The following ACACA variants were observed in gnomAD, a reference collection of about 807,000 sequenced individuals.
ACACA encodes the protein acetyl-CoA carboxylase 1.
ACACA carries 103 observed loss-of-function variants against 296.1 expected under a neutral mutation model. The ratio of observed to expected loss-of-function variants is 0.35; its 90% CI spans 0.30 to 0.41. The LOEUF (loss-of-function observed/expected upper bound fraction) is 0.41. Among genes scored for constraint, ACACA ranks in the 10% least tolerant of loss-of-function variants. The pLI, the probability that ACACA is intolerant of heterozygous loss-of-function variation, is 1.00. For missense variants in ACACA, 1,554 were observed against 2,989.7 expected (o/e 0.52, Z 11.20); for synonymous variants, 953 against 1,038.6 (o/e 0.92, Z 1.58).
intron 3 of ACACA, among the ~76,000 whole-genome samples, chr17:37,307,445 A>T (rs922610957): frequency 1.3e-5 from 2 of 152,124 alleles, no homozygotes; most frequent in African/African-American, 4.8e-5. Flanking sequence ...AACTCATTGT[A>T]ATTTTAATTT....
intron 45 of ACACA, among the ~76,000 whole-genome samples, chr17:37,141,695 G>T (rs1045557445): frequency 2.0e-4 from 29 of 148,424 alleles, no homozygotes; most frequent in Non-Finnish European, 3.3e-4. Flanking sequence ...AAAGTTTTTT[G>T]TTTTTTTTTT....
intron 22 of ACACA, 33 bp from the exon 23 acceptor site, chr17:37,242,086 C>A: frequency 6.4e-7 from 1 of 1,554,292 alleles, no homozygotes; most frequent in Admixed American, 1.7e-5. Context: ...AAATGAGGCC[C>A]AACCCAACAA....
intron 33 of ACACA, among the ~76,000 whole-genome samples, chr17:37,202,722 CAT>C (rs2078320545): frequency 2.7e-5 from 2 of 74,338 alleles, no homozygotes; most frequent in Non-Finnish European, 5.7e-5. Flanking sequence ...TACACACACA[CAT>C]ATATTTTAAC....
intron 1 of ACACA, among the ~76,000 whole-genome samples, chr17:37,382,449 CTT>C (rs1334538799): frequency 4.0e-5 from 6 of 151,518 alleles, no homozygotes; most frequent in South Asian, 2.1e-4. Context: ...TAAAATAAAA[CTT>C]GACATTTTTA....
chr17:37,394,821 G>A (rs574827751), intron 1 of ACACA, among the ~76,000 whole-genome samples: 5 of 150,888 alleles, frequency 3.3e-5, no homozygotes, highest in East Asian at 2.0e-4. Flanking sequence ...CCCGGGAGGC[G>A]GAGCTTGCAG....
chr17:37,185,193 G>A lies in ACACA; in HGVS notation c.4776+3084C>T, dbSNP rs78668229. ...ATGAATTGAACTGCACACACAAAAC[G>A]AGTCCATTTTATTATAAGTAAATTG... On this transcript the variant is annotated intron_variant, in intron 39 of 55. Coordinates refer to ENST00000616317, the MANE Select transcript of ACACA (RefSeq NM_198834.3). Among the ~76,000 whole-genome samples the A allele has an allele frequency of 1.0e-3, 159 of 152,164 alleles. 4 individuals are homozygous for A. The East Asian group carries it at 0.022, about 21-fold the overall frequency.
chr17:37,370,935 G>T (rs2049781372), intron 1 of ACACA, among the ~76,000 whole-genome samples: 1 of 149,652 alleles, frequency 6.7e-6, no homozygotes, highest in East Asian at 2.0e-4. Context: ...AGTGAACTGA[G>T]ATTATGCCAC....
intron 1 of ACACA, among the ~76,000 whole-genome samples, chr17:37,344,076 A>G (rs71382465): frequency 3.3e-5 from 5 of 151,598 alleles, no homozygotes; most frequent in Admixed American, 2.0e-4. Flanking sequence ...AAAAATATAA[A>G]CAAAAAAATA....
chr17:37,279,142 G>A (rs765346836), intron 5 of ACACA, among the ~76,000 whole-genome samples: 2 of 152,044 alleles, frequency 1.3e-5, no homozygotes, highest in Non-Finnish European at 2.9e-5. Context: ...TCTCATGCCA[G>A]TCAGAATGGT....
chr17:37,346,520 T>C (rs1185555673), intron 1 of ACACA, among the ~76,000 whole-genome samples: 1 of 151,192 alleles, frequency 6.6e-6, no homozygotes, highest in Non-Finnish European at 1.5e-5. Context: ...GCTAACACGG[T>C]GAAACCCAGT....
chr17:37,108,158 C>T (rs1179351185), intron 52 of ACACA, among the ~76,000 whole-genome samples: 1 of 152,172 alleles, frequency 6.6e-6, no homozygotes, highest in Non-Finnish European at 1.5e-5. Flanking sequence ...GCTCACTTTT[C>T]TTTCTGAGGT....
chr17:37,145,177 G>A (rs910214184), intron 45 of ACACA, among the ~76,000 whole-genome samples: 7 of 152,178 alleles, frequency 4.6e-5, no homozygotes, highest in Non-Finnish European at 2.9e-5. Flanking sequence ...AGGAAGAGTG[G>A]TGGGAGGAGG....
intron 1 of ACACA, among the ~76,000 whole-genome samples, chr17:37,402,298 G>T (rs565994042): frequency 6.6e-6 from 1 of 152,094 alleles, no homozygotes; most frequent in African/African-American, 2.4e-5. Flanking sequence ...TCCTAAGGAA[G>T]TGATGTCTAA....
chr17:37,117,746 T>C (rs1256958395), intron 50 of ACACA, among the ~76,000 whole-genome samples: 1 of 152,110 alleles, frequency 6.6e-6, no homozygotes, highest in Non-Finnish European at 1.5e-5. Flanking sequence ...TATTTATTTA[T>C]ATCTTTACTG....
chr17:37,286,513 C>T (rs971957400), intron 3 of ACACA, among the ~76,000 whole-genome samples: 1 of 152,184 alleles, frequency 6.6e-6, no homozygotes, highest in African/African-American at 2.4e-5. Flanking sequence ...CTAGCTCCTT[C>T]CTGTTCTGTT....
chr17:37,203,064 C>A (rs775528703), intron 33 of ACACA, among the ~76,000 whole-genome samples: 1 of 151,258 alleles, frequency 6.6e-6, no homozygotes. Flanking sequence ...CAGGTTCAAG[C>A]GATTCTCTTG....
At chr17:37,376,887 G>A (rs1347218428) in intron 1 of ACACA, among the ~76,000 whole-genome samples, 2 of 152,250 alleles carry the variant, frequency 1.3e-5, no homozygotes, top group East Asian at 3.9e-4. Flanking sequence ...CCTGGGAGGT[G>A]AGGTTGCAAT....
rs1475025037 is a variant in ACACA, at chr17:37,377,898, C to T, written c.38+28364G>A. ...CCCCAGACCTCAGAGATAGCAGTTG[C>T]CGACTGGAACAGCTGCCTGGGATCT... On this transcript the variant is annotated intron_variant, in intron 1 of 55. Transcript: ENST00000616317. 5 of 1,613,344 alleles carry T rather than the reference C, an allele frequency of 3.1e-6. No individual in the cohort carries two copies. In the African/African-American group the frequency reaches 5.3e-5, roughly 17 times the overall value.
At chr17:37,091,597 C>G (rs1376887306) in intron 54 of ACACA, among the ~76,000 whole-genome samples, 3 of 152,104 alleles carry the variant, frequency 2.0e-5, no homozygotes, top group Non-Finnish European at 4.4e-5. Flanking sequence ...TTTTCTTCCC[C>G]CAGACAGGGT....
Sources: allele counts gnomAD v4.1 joint callset (sites outside exome capture counted in the v4.1 genomes callset), GRCh38; gene constraint gnomAD v4.1.1; transcripts MANE v1.5; gene names NCBI Gene and HGNC (gene_info 2026-07-23, HGNC 2026-07-21).